WDR33: variants seen among roughly 807,000 people sequenced by gnomAD.
WDR33 encodes the protein WD repeat domain 33.
Under a neutral mutation model 164.9 loss-of-function variants are expected in WDR33, and 47 were observed. The ratio of observed to expected loss-of-function variants is 0.29; its 90% CI spans 0.23 to 0.36. WDR33 has a LOEUF of 0.36. Ranked by LOEUF, WDR33 falls within the 10% of genes least tolerant of loss-of-function variation. WDR33 has a pLI of 1.00. For missense variants in WDR33, 1,137 were observed against 1,754.1 expected (o/e 0.65, Z 6.28); for synonymous variants, 505 against 589.0 (o/e 0.86, Z 2.06).
chr2:127,789,815 CCTTT>C (rs956618036), intron 1 of WDR33, among the ~76,000 whole-genome samples: 34 of 151,892 alleles, frequency 2.2e-4, no homozygotes, highest in African/African-American at 8.2e-4. Context: ...TGAAGTAAAT[CCTTT>C]CTATTACTGG....
At chr2:127,786,844 C>CTTTTTTTTTTTTTTTTTT (rs71307273) in intron 1 of WDR33, among the ~76,000 whole-genome samples, 3 of 111,868 alleles carry the variant, frequency 2.7e-5, no homozygotes, top group Non-Finnish European at 5.5e-5. Context: ...CCTTTCTGTT[C>CTTTTTTTTTTTTTTTTTT]TTTTTTTTTT....
chr2:127,810,419 G>A (rs1689610068), intron 1 of WDR33, among the ~76,000 whole-genome samples: 1 of 152,154 alleles, frequency 6.6e-6, no homozygotes. Flanking sequence ...CTTTTAAGAA[G>A]GCATGCTAAG....
rs569320906 is a variant in WDR33, at chr2:127,773,590, G to C, written c.-23-2586C>G. On this transcript the variant is annotated intron_variant, in intron 1 of 21. Transcript: ENST00000322313. ...AAGATGAAAAATATTCTATGTCTTA[G>C]AGCTGTGTGTGAATTAAACGGCAGA... Among the ~76,000 whole-genome samples, 48 of 152,288 alleles carry C rather than the reference G, an allele frequency of 3.2e-4. 1 individual carries two copies. The highest frequency in any genetic ancestry group is 1.1e-3 in the African/African-American group (46 of 41,560).
At chr2:127,768,389 A>C in intron 3 of WDR33, 96 bp from the exon 4 acceptor site, 1 of 677,894 alleles carries the variant, frequency 1.5e-6, no homozygotes, top group East Asian at 3.0e-5. Context: ...ATTTAAAGAC[A>C]AATTTGGGAC....
Position 127,717,394 on chromosome 2 carries a change from C to T in WDR33, c.2761-131G>A. ...CCTAGTAAGATTACAGTAACATTGT[C>T]CTTAAATCAGGAGAAAGGAGATACT... On this transcript the variant is annotated intron_variant, in intron 16 of 21. Coordinates refer to ENST00000322313, the MANE Select transcript of WDR33 (RefSeq NM_018383.5). This position sits in a 1 kb window ranked among gnomAD's most constrained non-coding sequence, Gnocchi z 5.6. The T allele has an allele frequency of 1.4e-6, 1 of 719,792 alleles. No individual in the cohort carries two copies. Among genetic ancestry groups the T allele is most frequent in the Non-Finnish European group, 2.1e-6 (1 of 483,078 alleles). 44.6% of individuals were successfully genotyped at this position (719,792 alleles called of 1,614,324 possible). A position where few individuals can be genotyped will look rare whatever the true frequency, so the allele number is the denominator to read the frequency against.
chr2:127,803,002 CTAAAT>C (rs1258775138), intron 1 of WDR33, among the ~76,000 whole-genome samples: 1 of 151,798 alleles, frequency 6.6e-6, no homozygotes, highest in African/African-American at 2.4e-5. Flanking sequence ...AACAAAAAAA[CTAAAT>C]TAAGAGGGAG....
In WDR33 at chr2:127,764,659, CCAGCAAAATGGTGA is replaced by C; in HGVS notation, c.626+155_626+168del. The C allele has an allele frequency of 6.4e-7, 1 of 1,567,344 alleles. No individual in the cohort carries two copies. ...GGGACAACACTACTTCAGAAAGGTG[CCAGCAAAATGGTGA>C]ATGTGTGAAAACAAAGAAAAATATT... On this transcript the variant is annotated intron_variant, in intron 6 of 21. Transcript: ENST00000322313. This position sits in a 1 kb window ranked among gnomAD's most constrained non-coding sequence, Gnocchi z 6.2.
In WDR33 at chr2:127,795,836, GA is replaced by G. The variant is rs200785408; in HGVS notation, c.-24+15175del. Among the ~76,000 whole-genome samples, 383 of 143,984 alleles carry G rather than the reference GA, an allele frequency of 2.7e-3. 2 individuals carry two copies. Among genetic ancestry groups the G allele is most frequent in the Non-Finnish European group, 4.1e-3 (266 of 65,560 alleles). The allele number at this position is 143,984 out of a possible 152,430, so 94.5% of individuals were successfully genotyped here. The stretch of plus-strand genomic sequence containing the variant: ...GCAACACAGCAAGGCTTTGTCTCCG[GA>G]AAAAAAAAAACTGTCTTGAAACCTC... On this transcript the variant is annotated intron_variant, in intron 1 of 21. Coordinates refer to ENST00000322313, the MANE Select transcript of WDR33 (RefSeq NM_018383.5).
chr2:127,748,958 G>GA (rs767300934), intron 7 of WDR33, among the ~76,000 whole-genome samples: 79 of 150,084 alleles, frequency 5.3e-4, no homozygotes, highest in Non-Finnish European at 9.7e-4. Flanking sequence ...GCTGTGAGAA[G>GA]AAAATAAAGC....
At chr2:127,752,317 G>A (rs1432048250) in intron 7 of WDR33, among the ~76,000 whole-genome samples, 5 of 152,018 alleles carry the variant, frequency 3.3e-5, no homozygotes, top group African/African-American at 7.2e-5. Context: ...CCGGCCGGGC[G>A]CGGTGGCTCA....
At position 127,713,591 on chromosome 2, in the gene WDR33, T is replaced by C. The variant is rs763257905; in HGVS notation, c.3300A>G (p.Arg1100=). Residue 1100 remains arginine, a synonymous_variant, in exon 18 of 22, where the codon AGA becomes AGG. Coordinates refer to ENST00000322313, the MANE Select transcript of WDR33 (RefSeq NM_018383.5). The surrounding 1 kb of genome is among the most constrained non-coding windows in gnomAD (Gnocchi z 6.2). ...CAAAGTATCTGTCCCACCTTTCTTC[T>C]CTGCGCCCTCGAAAACGTGGGTCCT... is the stretch of plus-strand genomic sequence containing the variant. The part of the protein sequence containing the change: ...DPEDPRFRGR[R]EESFRRGAPP... The C allele has an allele frequency of 2.5e-6, 4 of 1,614,100 alleles. No individual in the cohort carries two copies. The African/African-American group carries it at 4.0e-5, about 16-fold the overall frequency.
At chr2:127,808,630 C>G (rs1466072208) in intron 1 of WDR33, among the ~76,000 whole-genome samples, 1 of 152,170 alleles carries the variant, frequency 6.6e-6, no homozygotes, top group Non-Finnish European at 1.5e-5. Flanking sequence ...CGCGGTGGCT[C>G]ATGCCTGTAA....
At chr2:127,749,462 GAC>G (rs1373255992) in intron 7 of WDR33, among the ~76,000 whole-genome samples, 1 of 152,104 alleles carries the variant, frequency 6.6e-6, no homozygotes, top group Non-Finnish European at 1.5e-5. Flanking sequence ...AGGGGTTTGA[GAC>G]CAGCCTGGCC....
intron 7 of WDR33, among the ~76,000 whole-genome samples, chr2:127,740,807 A>C (rs1433512746): frequency 6.6e-6 from 1 of 152,222 alleles, no homozygotes; most frequent in Non-Finnish European, 1.5e-5. Context: ...AAGTAAAAAC[A>C]AATATGCAAG....
intron 1 of WDR33, among the ~76,000 whole-genome samples, chr2:127,790,018 G>C (rs183547710): frequency 6.6e-6 from 1 of 152,064 alleles, no homozygotes; most frequent in Non-Finnish European, 1.5e-5. Flanking sequence ...TTTATTTTTA[G>C]TAGAGACAGG....
rs193109106 is a variant in WDR33 at position 127,792,950 on chromosome 2, T to G, written c.-24+18062A>C. On this transcript the variant is annotated intron_variant, in intron 1 of 21. Coordinates refer to ENST00000322313, the MANE Select transcript of WDR33 (RefSeq NM_018383.5). ...CAGTGGTATACTATAAACACACTCA[T>G]AGAGAGATACGTCAGAAACATTACC... Among the ~76,000 whole-genome samples the G allele has an allele frequency of 1.2e-3, 187 of 152,128 alleles. 1 individual carries two copies. The highest frequency in any genetic ancestry group is 3.8e-3 in the African/African-American group (156 of 41,490).
At chr2:127,756,545 G>A (rs2105423782) in intron 7 of WDR33, among the ~76,000 whole-genome samples, 1 of 152,050 alleles carries the variant, frequency 6.6e-6, no homozygotes, top group Non-Finnish European at 1.5e-5. Context: ...CCTTTCCAAA[G>A]CTCAGAATTT....
chr2:127,803,378 G>A (rs1213776835), intron 1 of WDR33, among the ~76,000 whole-genome samples: 1 of 152,008 alleles, frequency 6.6e-6, no homozygotes, highest in Non-Finnish European at 1.5e-5. Context: ...CCAGGGGTTC[G>A]AGACCAGCCT....
rs1689572886 is a variant in WDR33 at position 127,809,577 on chromosome 2, A to C, written c.-24+1435T>G. On this transcript the variant is annotated intron_variant, in intron 1 of 21. Coordinates refer to ENST00000322313, the MANE Select transcript of WDR33 (RefSeq NM_018383.5). Reference sequence around the variant, plus strand: ...CAGCCTCCCGAGTAGCTGGGATTACAGGCGCCCACCACCACACCCAGCTAA... The same window carrying C: ...CAGCCTCCCGAGTAGCTGGGATTACCGGCGCCCACCACCACACCCAGCTAA... Among the ~76,000 whole-genome samples, 3 of 151,928 alleles carry C rather than the reference A, an allele frequency of 2.0e-5. No individual in the cohort carries two copies. The South Asian group carries it at 6.3e-4, about 32-fold the overall frequency.
Sources: allele counts gnomAD v4.1 joint callset (sites outside exome capture counted in the v4.1 genomes callset), GRCh38; gene constraint gnomAD v4.1.1; non-coding constraint Gnocchi (gnomAD v3.1); transcripts MANE v1.5; gene names NCBI Gene and HGNC (gene_info 2026-07-23, HGNC 2026-07-21).